EPHB2: variants seen among roughly 807,000 people sequenced by gnomAD.
The protein encoded by EPHB2 is EPH receptor B2, also known as ephrin type-B receptor 2.
In EPHB2, 18 loss-of-function variants were observed where a neutral mutation model predicts 96.4. The ratio of observed to expected loss-of-function variants is 0.19; its 90% CI spans 0.13 to 0.28. EPHB2 has a LOEUF of 0.28. Among genes scored for constraint, EPHB2 ranks in the 10% least tolerant of loss-of-function variants. The probability of loss-of-function intolerance (pLI) is 1.00; values close to 1 mark genes in which losing one functional copy is unlikely to be tolerated. For synonymous variants in EPHB2, 506 were observed against 534.1 expected, an observed-to-expected ratio of 0.95 and a Z score of 0.72; for missense variants, 989 against 1,355.4, an observed-to-expected ratio of 0.73 and a Z score of 4.25.
At position 22,800,652 on chromosome 1, in the gene EPHB2, C is replaced by T. The variant is rs115160596; in HGVS notation, c.811+15576C>T. On this transcript the variant is annotated intron_variant, in intron 3 of 15. Transcript: ENST00000374630. ...TGTATATTTTATCAAGCCAGATGTA[C>T]GTGAAAATGGGTACTTGTTAGCATA... Among the ~76,000 whole-genome samples, 742 of 152,014 alleles carry T rather than the reference C, an allele frequency of 4.9e-3. 5 individuals are homozygous for T. The highest frequency in any genetic ancestry group is 0.016 in the African/African-American group (680 of 41,448).
At chr1:22,767,726 C>T (rs952675564) in intron 1 of EPHB2, among the ~76,000 whole-genome samples, 1 of 152,216 alleles carries the variant, frequency 6.6e-6, no homozygotes, top group Non-Finnish European at 1.5e-5. Context: ...GTCTTCTCCA[C>T]CTCGAAGGCT....
chr1:22,813,746 A>G (rs1165237951), intron 3 of EPHB2, among the ~76,000 whole-genome samples: 1 of 152,216 alleles, frequency 6.6e-6, no homozygotes. Flanking sequence ...GGCTACAATG[A>G]GAGAAGTTAG....
At chr1:22,783,657 G>A (rs1449801813) in intron 2 of EPHB2, among the ~76,000 whole-genome samples, 1 of 152,210 alleles carries the variant, frequency 6.6e-6, no homozygotes, top group Non-Finnish European at 1.5e-5. Flanking sequence ...CCGGGCCCTA[G>A]GCCCTTCCTG....
chr1:22,725,711 T>C (rs1230049178), intron 1 of EPHB2, among the ~76,000 whole-genome samples: 5 of 152,170 alleles, frequency 3.3e-5, no homozygotes, highest in Non-Finnish European at 5.9e-5. Context: ...TATTTTCCCA[T>C]TGACTTGGCC....
At position 22,915,058 on chromosome 1, in the gene EPHB2, C is replaced by T. The variant is rs752253254; in HGVS notation, c.*1488C>T. 20 of 152,594 alleles carry T rather than the reference C, an allele frequency of 1.3e-4. No individual in the cohort carries two copies. The highest frequency in any genetic ancestry group is 3.6e-4 in the African/African-American group (15 of 41,438). The allele number at this position is 152,594 out of a possible 1,614,324, so 9.5% of individuals were successfully genotyped here. A position where few individuals can be genotyped will look rare whatever the true frequency, so the allele number is the denominator to read the frequency against. Reference sequence around the variant, plus strand: ...CCAGGCTGCATCGGAGGCCAGGACCCGGATCATTCACTGTGATACCCTGCC... The same window carrying T: ...CCAGGCTGCATCGGAGGCCAGGACCTGGATCATTCACTGTGATACCCTGCC... On this transcript the variant is annotated 3_prime_UTR_variant, in exon 16 of 16. Transcript: ENST00000374630.
At chr1:22,735,449 A>AAAG (rs917572660) in intron 1 of EPHB2, among the ~76,000 whole-genome samples, 3 of 151,672 alleles carry the variant, frequency 2.0e-5, no homozygotes, top group African/African-American at 4.8e-5. Context: ...AAAAAAAAAA[A>AAAG]AAGAAGAAGA....
intron 3 of EPHB2, among the ~76,000 whole-genome samples, chr1:22,825,815 C>T (rs1645214814): frequency 6.6e-6 from 1 of 152,238 alleles, no homozygotes; most frequent in Non-Finnish European, 1.5e-5. Context: ...ACCAAATCAA[C>T]ATGTCTGCCC....
chr1:22,891,264 G>A (rs1639379058), intron 6 of EPHB2: 1 of 450,236 alleles, frequency 2.2e-6, no homozygotes, highest in Non-Finnish European at 4.5e-6. Context: ...TAATAACATT[G>A]CACGCACTGA....
At chr1:22,797,624 C>A (rs903080312) in intron 3 of EPHB2, among the ~76,000 whole-genome samples, 8 of 152,156 alleles carry the variant, frequency 5.3e-5, no homozygotes, top group Non-Finnish European at 1.2e-4. Context: ...ACTCCACTGT[C>A]TCCTGGCCGC....
chr1:22,858,739 C>T lies in EPHB2; in HGVS notation c.812-4298C>T, dbSNP rs1201133344. Among the ~76,000 whole-genome samples the T allele has an allele frequency of 1.3e-5, 2 of 152,112 alleles. No individual in the cohort carries two copies. The highest frequency in any genetic ancestry group is 2.9e-5 in the Non-Finnish European group (2 of 68,018). ...TGATGGGAGCTGAGGCCCCAGTGCA[C>T]CCCACAGTCACACAGTAGACTTGGG... On this transcript the variant is annotated intron_variant, in intron 3 of 15. Transcript: ENST00000374630. The surrounding 1 kb of genome is among the most constrained non-coding windows in gnomAD (Gnocchi z 7.7).
At chr1:22,912,767 G>C in intron 15 of EPHB2, 168 bp downstream of exon 15, 1 of 923,772 alleles carries the variant, frequency 1.1e-6, no homozygotes, top group Non-Finnish European at 1.7e-6. Context: ...CTGATACCCA[G>C]GTCTGCCTGC....
At chr1:22,910,243 G>A in intron 13 of EPHB2, 139 bp from the exon 14 acceptor site, 1 of 1,055,640 alleles carries the variant, frequency 9.5e-7, no homozygotes, top group Non-Finnish European at 1.4e-6. Context: ...CCCTGGGGCT[G>A]CCTCCAGGAG....
At chr1:22,820,644 C>A (rs919221953) in intron 3 of EPHB2, among the ~76,000 whole-genome samples, 1 of 152,122 alleles carries the variant, frequency 6.6e-6, no homozygotes, top group African/African-American at 2.4e-5. Context: ...TGCACTCCAG[C>A]CGGGGTGACA....
chr1:22,756,215 C>T (rs951764090), intron 1 of EPHB2, among the ~76,000 whole-genome samples: 5 of 151,986 alleles, frequency 3.3e-5, no homozygotes, highest in African/African-American at 9.7e-5. Context: ...CCCTGGGGAG[C>T]GACAGGCAGG....
intron 9 of EPHB2, among the ~76,000 whole-genome samples, chr1:22,901,089 A>G (rs1639733661): frequency 6.6e-6 from 1 of 152,238 alleles, no homozygotes; most frequent in Admixed American, 6.5e-5. Context: ...AGTAGCAAGA[A>G]TGATACTTTT....
At chr1:22,856,174 G>C (rs954669260) in intron 3 of EPHB2, among the ~76,000 whole-genome samples, 19 of 152,220 alleles carry the variant, frequency 1.2e-4, no homozygotes, top group African/African-American at 3.9e-4. Context: ...AGCAGAGGCA[G>C]CAGGCCAGCC....
At chr1:22,814,797 A>G (rs1570327060) in intron 3 of EPHB2, among the ~76,000 whole-genome samples, 3 of 152,362 alleles carry the variant, frequency 2.0e-5, no homozygotes, top group African/African-American at 7.2e-5. Flanking sequence ...TCACCAGGCC[A>G]GCCGAGGCCA....
intron 1 of EPHB2, among the ~76,000 whole-genome samples, chr1:22,743,022 G>C (rs149922898): frequency 0.015 from 2,289 of 151,864 alleles, 63 homozygotes; most frequent in African/African-American, 0.052. Flanking sequence ...CTCCTGAGTA[G>C]CTGGGACTAC....
At position 22,894,880 on chromosome 1, in the gene EPHB2, CAGTG is replaced by C. The variant is rs568276890; in HGVS notation, c.1592-586_1592-583del. 3.0e-3 allele frequency among the ~76,000 whole-genome samples: 452 copies of C among 152,288 alleles called. 5 individuals carry two copies. Among genetic ancestry groups the C allele is most frequent in the African/African-American group, 0.01 (418 of 41,560 alleles). Reference sequence around the variant, plus strand: ...TCCGAGATACGTAACATACTTAGCACAGTGAGTGACACATAAAACACTCAGGGAC... The same window carrying C: ...TCCGAGATACGTAACATACTTAGCACAGTGACACATAAAACACTCAGGGAC... On this transcript the variant is annotated intron_variant, in intron 7 of 15. Coordinates refer to ENST00000374630, the MANE Select transcript of EPHB2 (RefSeq NM_017449.5).
Sources: gnomAD v4.1 joint callset for allele counts (sites outside exome capture counted in the v4.1 genomes callset) on GRCh38, gnomAD v4.1.1 for gene constraint, Gnocchi (gnomAD v3.1) non-coding constraint, MANE v1.5 for transcripts, NCBI Gene and HGNC (gene_info 2026-07-23, HGNC 2026-07-21) for gene names.